MYH15: variants seen among roughly 807,000 people sequenced by gnomAD.
MYH15 encodes myosin-15.
A neutral mutation model predicts 240.5 loss-of-function variants in MYH15; 227 were observed. The observed-to-expected ratio is 0.94, with a 90% CI of 0.85 to 1.05. The LOEUF (loss-of-function observed/expected upper bound fraction) is 1.05, where lower values mean the gene tolerates loss of function less well. Ranked by LOEUF, MYH15 falls within the 50% of genes least tolerant of loss-of-function variation. The probability of loss-of-function intolerance (pLI) is 0.00; values close to 1 mark genes in which losing one functional copy is unlikely to be tolerated. For synonymous variants in MYH15, 785 were observed against 796.7 expected (o/e 0.99, Z 0.25); for missense variants, 2,217 against 2,247.5 (o/e 0.99, Z 0.27).
chr3:108,381,610 A>G (rs780103507), intron 40 of MYH15, 51 bp from the exon 41 acceptor site: 1 of 1,601,602 alleles, frequency 6.2e-7, no homozygotes, highest in Non-Finnish European at 8.6e-7. Flanking sequence ...GATTTTCACC[A>G]GTGGAACACA....
chr3:108,531,225 T>C (rs1299483134), upstream of MYH15, among the ~76,000 whole-genome samples: 1 of 152,110 alleles, frequency 6.6e-6, no homozygotes, highest in Non-Finnish European at 1.5e-5. Context: ...AAGAAAGATA[T>C]TATTATTTTT....
At chr3:108,442,949 A>G (rs35739130) in intron 22 of MYH15, among the ~76,000 whole-genome samples, 12,129 of 151,896 alleles carry the variant, frequency 0.08, 537 homozygotes, top group Middle Eastern at 0.1. Flanking sequence ...TGTGTTTCCC[A>G]TGCTCCCTAC....
intron 1 of MYH15, among the ~76,000 whole-genome samples, chr3:108,516,174 C>A (rs1300391629): frequency 6.6e-6 from 1 of 152,132 alleles, no homozygotes; most frequent in Non-Finnish European, 1.5e-5. Flanking sequence ...ATTTTTAAGT[C>A]GGTTTCATCA....
Position 108,410,955 on chromosome 3 carries a change from G to A in MYH15, c.4146-23C>T, listed in dbSNP as rs2082588575. The A allele has an allele frequency of 1.9e-6, 3 of 1,557,738 alleles. No individual in the cohort carries two copies. In the East Asian group the frequency reaches 6.8e-5, roughly 35 times the overall value. On this transcript the variant is annotated intron_variant, in intron 30 of 40. Coordinates refer to ENST00000693548, the MANE Select transcript of MYH15 (RefSeq NM_014981.3). ...TTCCTGAGAAAGGAGGACACCCAAA[G>A]AGTGAGTGAGGCAATAACTCTCAGA... is the stretch of plus-strand genomic sequence containing the variant.
Position 108,381,457 on chromosome 3 carries a change from A to G in MYH15, c.*88T>C. On this transcript the variant is annotated 3_prime_UTR_variant, in exon 41 of 41. Coordinates refer to ENST00000693548, the MANE Select transcript of MYH15 (RefSeq NM_014981.3). ...AAAAGCAATTTAAACATGTTTTTAA[A>G]AATGTTTCCATGCAACCTAAGTTTT... 1.4e-6 allele frequency: 2 copies of G among 1,442,878 alleles called. No homozygotes were observed. Among genetic ancestry groups the G allele is most frequent in the Non-Finnish European group, 2.0e-6 (2 of 1,025,052 alleles). The allele number at this position is 1,442,878 out of a possible 1,614,324, so 89.4% of individuals were successfully genotyped here. A position where few individuals can be genotyped will look rare whatever the true frequency, so the allele number is the denominator to read the frequency against.
intron 25 of MYH15, 93 bp from the exon 26 acceptor site, chr3:108,431,015 G>C (rs1302588139): frequency 1.1e-6 from 1 of 893,996 alleles, no homozygotes; most frequent in East Asian, 2.7e-5. Flanking sequence ...ACAAAGAAAA[G>C]ATAAATGTTT....
intron 38 of MYH15, among the ~76,000 whole-genome samples, chr3:108,388,206 G>T (rs2082397922): frequency 6.6e-6 from 1 of 152,128 alleles, no homozygotes; most frequent in Non-Finnish European, 1.5e-5. Context: ...TTCAACAGTG[G>T]AAATCACACA....
At chr3:108,463,393 T>A in intron 15 of MYH15, 150 bp from the exon 16 acceptor site, 1 of 839,040 alleles carries the variant, frequency 1.2e-6, no homozygotes, top group Non-Finnish European at 1.8e-6. Context: ...CAGTTCACTG[T>A]AGCCTCGACC....
intron 3 of MYH15, 127 bp from the exon 4 acceptor site, chr3:108,500,401 G>A: frequency 1.0e-6 from 1 of 972,746 alleles, no homozygotes; most frequent in Non-Finnish European, 1.5e-6. Context: ...GGAGCTTTTG[G>A]AATCATGTAG....
intron 24 of MYH15, among the ~76,000 whole-genome samples, chr3:108,438,468 T>C (rs2082859560): frequency 6.6e-6 from 1 of 152,158 alleles, no homozygotes; most frequent in Admixed American, 6.5e-5. Context: ...GCCAAAGAGA[T>C]GAAATTCAAA....
chr3:108,505,353 C>T (rs1399353325), intron 2 of MYH15, among the ~76,000 whole-genome samples: 2 of 152,090 alleles, frequency 1.3e-5, no homozygotes, highest in Non-Finnish European at 2.9e-5. Context: ...ACTGCAACCT[C>T]GACCTCCCCA....
intron 3 of MYH15, among the ~76,000 whole-genome samples, chr3:108,501,090 C>A (rs1416021190): frequency 2.0e-5 from 3 of 152,210 alleles, no homozygotes; most frequent in Non-Finnish European, 2.9e-5. Context: ...TTTGTTACAG[C>A]ATCCCAGGGA....
At chr3:108,434,107 T>C (rs1278986686) in intron 25 of MYH15, among the ~76,000 whole-genome samples, 1 of 16,054 alleles carries the variant, frequency 6.2e-5, no homozygotes, top group Non-Finnish European at 2.0e-4. Flanking sequence ...ATATTAAATA[T>C]GTATTTAATA....
chr3:108,426,820 G>A (rs573215944), intron 27 of MYH15, among the ~76,000 whole-genome samples: 6 of 152,178 alleles, frequency 3.9e-5, no homozygotes, highest in Non-Finnish European at 8.8e-5. Context: ...GCCAGGGGGG[G>A]GCAGTGCTAC....
At chr3:108,434,707 T>C (rs1337574326) in intron 25 of MYH15, among the ~76,000 whole-genome samples, 1 of 152,226 alleles carries the variant, frequency 6.6e-6, no homozygotes, top group African/African-American at 2.4e-5. Flanking sequence ...ATTTTGCTTT[T>C]ACAAATCAAA....
At chr3:108,437,038 A>T (rs1383954147) in intron 25 of MYH15, among the ~76,000 whole-genome samples, 1 of 152,042 alleles carries the variant, frequency 6.6e-6, no homozygotes, top group Non-Finnish European at 1.5e-5. Flanking sequence ...CCTAATTTTG[A>T]TCATTTTCAT....
rs1360366482 is a variant in MYH15 at position 108,464,666 on chromosome 3, T to A, written c.1703A>T (p.His568Leu). ...TCCTGCATAATGGACAAGTTCAAAATGAGCTTCAAATTTCTTCTTATCAGG... is the reference window on the plus strand; with the variant it reads ...TCCTGCATAATGGACAAGTTCAAAAAGAGCTTCAAATTTCTTCTTATCAGG... The part of the protein sequence containing the change: ...PKPDKKKFEA[H>L]FELVHYAGVV... The change falls in exon 15 of 41, where the codon CAT becomes CTT. Residue 568 changes from histidine to leucine, a missense_variant. His to Leu is a moderately conservative substitution (Grantham distance 99). Coordinates refer to ENST00000693548, the MANE Select transcript of MYH15 (RefSeq NM_014981.3). The A allele has an allele frequency of 1.9e-6, 3 of 1,613,140 alleles. No homozygotes were observed. In the African/African-American group the frequency reaches 4.0e-5, roughly 22 times the overall value.
At position 108,489,207 on chromosome 3, in the gene MYH15, T is replaced by C. The variant is rs74974689; in HGVS notation, c.872-2681A>G. On this transcript the variant is annotated intron_variant, in intron 9 of 40. Coordinates refer to ENST00000693548, the MANE Select transcript of MYH15 (RefSeq NM_014981.3). The stretch of plus-strand genomic sequence containing the variant: ...CAAATATTTTTTCCTGTTCATTCAG[T>C]AGATTCTCTCTTGATGATGCACAAT... Among the ~76,000 whole-genome samples, 423 of 152,328 alleles carry C rather than the reference T, an allele frequency of 2.8e-3. 2 individuals carry two copies. The highest frequency in any genetic ancestry group is 9.5e-3 in the African/African-American group (396 of 41,576).
intron 33 of MYH15, among the ~76,000 whole-genome samples, chr3:108,403,694 AT>A (rs1185786748): frequency 6.6e-6 from 1 of 152,082 alleles, no homozygotes; most frequent in Non-Finnish European, 1.5e-5. Context: ...TATTATAGTT[AT>A]TATGAATCAT....
Sources: allele counts gnomAD v4.1 joint callset (sites outside exome capture counted in the v4.1 genomes callset), GRCh38; gene constraint gnomAD v4.1.1; transcripts MANE v1.5; gene names NCBI Gene and HGNC (gene_info 2026-07-23, HGNC 2026-07-21).